ANKHD1: variants seen among roughly 807,000 people sequenced by gnomAD.
ANKHD1 encodes the protein ankyrin repeat and KH domain containing 1.
Under a neutral mutation model 230.5 loss-of-function variants are expected in ANKHD1, and 31 were observed. The ratio of observed to expected loss-of-function variants is 0.13; its 90% CI spans 0.10 to 0.18. ANKHD1 has a LOEUF of 0.18. ANKHD1 is among the 10% of genes least tolerant of loss of function. The probability of loss-of-function intolerance (pLI) is 1.00; values close to 1 mark genes in which losing one functional copy is unlikely to be tolerated. For missense variants in ANKHD1, 2,256 were observed against 3,071.3 expected (o/e 0.73, Z 6.27); for synonymous variants, 1,074 against 1,117.6 (o/e 0.96, Z 0.78).
At chr5:140,532,659 A>C (rs1320710446) in intron 29 of ANKHD1, among the ~76,000 whole-genome samples, 2 of 152,234 alleles carry the variant, frequency 1.3e-5, no homozygotes, top group Admixed American at 6.5e-5. Flanking sequence ...TCATGAATGC[A>C]CAATTCTGTG....
In ANKHD1 at chr5:140,485,513, G is replaced by A; in HGVS notation, c.1999-76G>A. 6.3e-7 allele frequency: 1 copy of A among 1,579,708 alleles called. No homozygotes were observed. The highest frequency in any genetic ancestry group is 8.6e-7 in the Non-Finnish European group (1 of 1,163,850). ...ATCTTAGTGCTTAGTATTTAATACTGTTTAAATGAGTTTTGATTTTATATG... is the reference window on the plus strand; with the variant it reads ...ATCTTAGTGCTTAGTATTTAATACTATTTAAATGAGTTTTGATTTTATATG... On this transcript the variant is annotated intron_variant, in intron 12 of 33. Transcript: ENST00000360839. The surrounding 1 kb of genome is among the most constrained non-coding windows in gnomAD (Gnocchi z 4.8).
intron 10 of ANKHD1, among the ~76,000 whole-genome samples, chr5:140,479,581 A>ATG (rs1467040227): frequency 6.6e-6 from 1 of 151,826 alleles, no homozygotes; most frequent in Non-Finnish European, 1.5e-5. Context: ...ATGTATATAC[A>ATG]TACATTATAC....
At chr5:140,419,732 TTCTC>T (rs1303610162) in intron 1 of ANKHD1, among the ~76,000 whole-genome samples, 11 of 151,814 alleles carry the variant, frequency 7.2e-5, no homozygotes, top group East Asian at 5.8e-4. Context: ...TTTTCTTTCT[TTCTC>T]TCTCTCTTTC....
At chr5:140,531,746 TCTACTC>T (rs1753832398) in intron 29 of ANKHD1, among the ~76,000 whole-genome samples, 1 of 152,160 alleles carries the variant, frequency 6.6e-6, no homozygotes, top group African/African-American at 2.4e-5. Flanking sequence ...ATCCCATTAT[TCTACTC>T]CTAGGGAAGA....
intron 24 of ANKHD1, among the ~76,000 whole-genome samples, chr5:140,516,275 T>C (rs1753004852): frequency 6.6e-6 from 1 of 152,128 alleles, no homozygotes; most frequent in Non-Finnish European, 1.5e-5. Context: ...GAGCAAAGCC[T>C]CCAAGAAATA....
At chr5:140,479,630 ATG>A (rs1316460216) in intron 10 of ANKHD1, among the ~76,000 whole-genome samples, 1 of 151,226 alleles carries the variant, frequency 6.6e-6, no homozygotes, top group African/African-American at 2.4e-5. Context: ...ATATACATAT[ATG>A]TGTTCCCATT....
At position 140,485,534 on chromosome 5, in the gene ANKHD1, A is replaced by G. The variant is rs750750642; in HGVS notation, c.1999-55A>G. ...TACTGTTTAAATGAGTTTTGATTTT[A>G]TATGAGCTGCTAAGAAACTATAAAG... On this transcript the variant is annotated intron_variant, in intron 12 of 33. Transcript: ENST00000360839. This position sits in a 1 kb window ranked among gnomAD's most constrained non-coding sequence, Gnocchi z 4.8. 3.9e-5 allele frequency: 63 copies of G among 1,600,566 alleles called. No homozygotes were observed. The highest frequency in any genetic ancestry group is 7.1e-5 in the Admixed American group (4 of 56,268).
At position 140,525,979 on chromosome 5, in the gene ANKHD1, C is replaced by A. The variant is rs750197362; in HGVS notation, c.4493-17C>A. ...TCTGTGACTCAGTATGATTTTTATT[C>A]TTTTTAACAATTTCAGTGGAGCAAG... On this transcript the variant is annotated splice_polypyrimidine_tract_variant and intron_variant, in intron 25 of 33. Coordinates refer to ENST00000360839, the MANE Select transcript of ANKHD1 (RefSeq NM_017747.3). 8.4e-6 allele frequency: 13 copies of A among 1,547,634 alleles called. No homozygotes were observed. The South Asian group carries it at 1.6e-4, about 19-fold the overall frequency.
At chr5:140,428,317 T>G (rs1195135745) in intron 1 of ANKHD1, among the ~76,000 whole-genome samples, 5 of 152,166 alleles carry the variant, frequency 3.3e-5, no homozygotes, top group African/African-American at 4.8e-5. Flanking sequence ...CGAGCCGAGA[T>G]CACGCCACTG....
chr5:140,439,737 CA>C (rs1197297192), intron 3 of ANKHD1, among the ~76,000 whole-genome samples: 2 of 151,646 alleles, frequency 1.3e-5, no homozygotes, highest in African/African-American at 4.8e-5. Flanking sequence ...AAAAAAATTG[CA>C]AAAAAATTTC....
intron 7 of ANKHD1, among the ~76,000 whole-genome samples, chr5:140,456,995 TCAA>T (rs912227899): frequency 1.8e-4 from 27 of 151,982 alleles, no homozygotes; most frequent in Middle Eastern, 6.8e-3. Context: ...TACAATGAAC[TCAA>T]ACAAATTTAC....
chr5:140,493,684 A>G (rs551468072), intron 14 of ANKHD1, among the ~76,000 whole-genome samples: 13 of 152,158 alleles, frequency 8.5e-5, no homozygotes, highest in South Asian at 2.1e-4. Context: ...CACTAACTCC[A>G]TGGCTATTTT....
intron 7 of ANKHD1, among the ~76,000 whole-genome samples, chr5:140,455,099 A>T (rs1300318318): frequency 6.6e-6 from 1 of 152,232 alleles, no homozygotes; most frequent in Non-Finnish European, 1.5e-5. Flanking sequence ...TATGCAAATA[A>T]ACTAGGAAAT....
At chr5:140,491,149 T>TAC (rs1751771359) in intron 14 of ANKHD1, among the ~76,000 whole-genome samples, 2 of 100,314 alleles carry the variant, frequency 2.0e-5, no homozygotes, top group South Asian at 3.6e-4. Context: ...CATATATATA[T>TAC]ATATATATAT....
Position 140,524,143 on chromosome 5 carries a change from G to A in ANKHD1, c.4395G>A (p.Glu1465=), listed in dbSNP as rs1042326020. 8.1e-6 allele frequency: 13 copies of A among 1,596,050 alleles called. No homozygotes were observed. The highest frequency in any genetic ancestry group is 1.1e-5 in the Non-Finnish European group (13 of 1,174,638). Residue 1465 remains glutamate, a synonymous_variant, in exon 25 of 34, where the codon GAG becomes GAA. Transcript: ENST00000360839. ...AAGAAAAGAGAAAAAAGAAAAAAGA[G>A]GAACAGAAAAGGAAACAGGAAGAAG... The part of the protein sequence containing the change: ...KRKEKRKKKK[E]EQKRKQEEDE...
At chr5:140,428,055 G>C (rs10053981) in intron 1 of ANKHD1, among the ~76,000 whole-genome samples, 4 of 150,480 alleles carry the variant, frequency 2.7e-5, no homozygotes, top group Non-Finnish European at 4.4e-5. Flanking sequence ...GGGCAGAGAC[G>C]CTCCTCACTT....
chr5:140,472,982 A>T (rs1467481009), intron 10 of ANKHD1, among the ~76,000 whole-genome samples: 1 of 151,764 alleles, frequency 6.6e-6, no homozygotes, highest in Non-Finnish European at 1.5e-5. Context: ...AAAATTATTA[A>T]TGAATTGTGA....
chr5:140,440,689 A>C (rs1773787931), intron 4 of ANKHD1, among the ~76,000 whole-genome samples: 1 of 152,136 alleles, frequency 6.6e-6, no homozygotes, highest in Admixed American at 6.5e-5. Context: ...TTGTGAGTAT[A>C]GTTTTGCTGT....
intron 1 of ANKHD1, 102 bp from the exon 2 acceptor site, chr5:140,436,002 A>G: frequency 1.5e-6 from 2 of 1,317,450 alleles, no homozygotes; most frequent in Non-Finnish European, 2.0e-6. Context: ...TTTTCTGCTT[A>G]TATTTAAGTT....
Sources: allele counts gnomAD v4.1 joint callset (sites outside exome capture counted in the v4.1 genomes callset), GRCh38; gene constraint gnomAD v4.1.1; non-coding constraint Gnocchi (gnomAD v3.1); transcripts MANE v1.5; gene names NCBI Gene and HGNC (gene_info 2026-07-23, HGNC 2026-07-21).